Variants in ZNF804A observed in about 807,000 individuals in gnomAD.
The protein encoded by ZNF804A is zinc finger protein 804A.
ZNF804A carries 2 observed loss-of-function variants against 16.5 expected under a neutral mutation model. That is an observed-to-expected ratio of 0.12 (90% CI 0.05 to 0.38). ZNF804A has a LOEUF of 0.38. Among genes scored for constraint, ZNF804A ranks in the 10% least tolerant of loss-of-function variants. ZNF804A has a pLI of 0.99. For synonymous variants in ZNF804A, 534 were observed against 489.6 expected, an observed-to-expected ratio of 1.09 and a Z score of -1.20; for missense variants, 1,473 against 1,390.7, an observed-to-expected ratio of 1.06 and a Z score of -0.94.
At chr2:184,727,073 A>G (rs76037925) in intron 1 of ZNF804A, among the ~76,000 whole-genome samples, 2,209 of 151,480 alleles carry the variant, frequency 0.015, 62 homozygotes, top group African/African-American at 0.05. Context: ...AAAACATAAC[A>G]TTTTCTTTGC....
intron 1 of ZNF804A, among the ~76,000 whole-genome samples, chr2:184,785,257 T>G (rs1018768016): frequency 6.6e-6 from 1 of 151,992 alleles, no homozygotes; most frequent in Admixed American, 6.6e-5. Context: ...CATAAAATAA[T>G]TTATATGTAA....
At chr2:184,806,786 A>G (rs185936321) in intron 1 of ZNF804A, among the ~76,000 whole-genome samples, 164 of 151,968 alleles carry the variant, frequency 1.1e-3, no homozygotes, top group African/African-American at 3.8e-3. Flanking sequence ...CTAACATTTC[A>G]CTGAAACTGA....
At chr2:184,604,221 A>C (rs1421009105) in intron 1 of ZNF804A, among the ~76,000 whole-genome samples, 1 of 116,856 alleles carries the variant, frequency 8.6e-6, no homozygotes, top group Non-Finnish European at 1.6e-5. Flanking sequence ...CCCAGGCTGG[A>C]GTGCAATGGC....
intron 1 of ZNF804A, among the ~76,000 whole-genome samples, chr2:184,756,611 T>C (rs1185444466): frequency 1.3e-5 from 2 of 152,030 alleles, no homozygotes; most frequent in Non-Finnish European, 2.9e-5. Context: ...GTGCCTAATG[T>C]ATACAGCAAG....
intron 1 of ZNF804A, among the ~76,000 whole-genome samples, chr2:184,632,557 G>A (rs1301752048): frequency 6.6e-6 from 1 of 152,110 alleles, no homozygotes; most frequent in Non-Finnish European, 1.5e-5. Context: ...CACCACGCCT[G>A]GCTAATTTTT....
intron 3 of ZNF804A, 63 bp downstream of exon 3, chr2:184,933,796 G>A: frequency 6.6e-7 from 1 of 1,519,224 alleles, no homozygotes; most frequent in Non-Finnish European, 8.8e-7. Flanking sequence ...TATAGGGGGA[G>A]TCAGAAATAA....
intron 1 of ZNF804A, among the ~76,000 whole-genome samples, chr2:184,829,899 C>CAAAAAAAAAAAAAAAAAAAAAAAAAAA (rs1244566222): frequency 2.6e-5 from 1 of 38,902 alleles, no homozygotes; most frequent in Non-Finnish European, 4.8e-5. Context: ...CTGTCTCTAC[C>CAAAAAAAAAAAAAAAAAAAAAAAAAAA]AAAAAAAAAA....
chr2:184,664,383 A>G (rs1304947693), intron 1 of ZNF804A, among the ~76,000 whole-genome samples: 5 of 152,174 alleles, frequency 3.3e-5, no homozygotes. Context: ...TTAATAATCT[A>G]CACAAGTAAA....
At chr2:184,864,597 A>G (rs1695847592) in intron 1 of ZNF804A, among the ~76,000 whole-genome samples, 1 of 152,214 alleles carries the variant, frequency 6.6e-6, no homozygotes. Context: ...CTCCCAAACC[A>G]TGGTGAACTT....
chr2:184,853,484 G>A (rs1437265001), intron 1 of ZNF804A, among the ~76,000 whole-genome samples: 3 of 151,766 alleles, frequency 2.0e-5, no homozygotes, highest in African/African-American at 7.3e-5. Flanking sequence ...TGATATCAGA[G>A]GAAAAGCTTT....
intron 1 of ZNF804A, among the ~76,000 whole-genome samples, chr2:184,759,050 G>A (rs1053328064): frequency 4.0e-5 from 6 of 151,372 alleles, no homozygotes; most frequent in South Asian, 4.1e-4. Flanking sequence ...CTTATAGAAT[G>A]TAGTATATAT....
intron 2 of ZNF804A, among the ~76,000 whole-genome samples, chr2:184,887,254 G>T (rs1684907677): frequency 1.3e-5 from 2 of 152,082 alleles, no homozygotes. Context: ...GTTCACAATG[G>T]GTTCCTCGTC....
chr2:184,848,490 G>A (rs969592010), intron 1 of ZNF804A, among the ~76,000 whole-genome samples: 3 of 152,008 alleles, frequency 2.0e-5, no homozygotes, highest in African/African-American at 7.2e-5. Context: ...AGATTAAAAA[G>A]TATTTCTCTT....
At chr2:184,638,923 A>G (rs1691746397) in intron 1 of ZNF804A, among the ~76,000 whole-genome samples, 1 of 152,148 alleles carries the variant, frequency 6.6e-6, no homozygotes, top group Non-Finnish European at 1.5e-5. Context: ...ATATAATCAT[A>G]GCACATAATT....
intron 1 of ZNF804A, among the ~76,000 whole-genome samples, chr2:184,701,273 CAA>C (rs1285840866): frequency 2.6e-5 from 4 of 151,738 alleles, no homozygotes; most frequent in African/African-American, 9.7e-5. Context: ...AGAATACAGC[CAA>C]AGACTTGAAG....
chr2:184,613,246 C>A (rs1691266415), intron 1 of ZNF804A, among the ~76,000 whole-genome samples: 1 of 152,138 alleles, frequency 6.6e-6, no homozygotes, highest in Non-Finnish European at 1.5e-5. Context: ...GGAACAAAAT[C>A]ATTCATATTC....
chr2:184,936,047 A>G lies in ZNF804A; in HGVS notation c.651A>G (p.Ala217=), dbSNP rs764464448. The G allele has an allele frequency of 3.0e-5, 48 of 1,614,074 alleles. No individual in the cohort carries two copies. The highest frequency in any genetic ancestry group is 3.8e-5 in the Non-Finnish European group (45 of 1,179,972). The part of the protein sequence containing the change: ...IHRHKIGFSF[A]FPKKASVKLE... The stretch of plus-strand genomic sequence containing the variant: ...GACACAAAATCGGCTTTTCTTTTGC[A>G]TTTCCAAAGAAAGCGTCCGTGAAGC... Residue 217 remains alanine, a synonymous_variant, in exon 4 of 4, where the codon GCA becomes GCG. Transcript: ENST00000302277.
At chr2:184,648,266 A>C (rs1574146179) in intron 1 of ZNF804A, among the ~76,000 whole-genome samples, 1 of 152,166 alleles carries the variant, frequency 6.6e-6, no homozygotes, top group East Asian at 1.9e-4. Context: ...AGGGAGTTTT[A>C]CACATAGAAG....
chr2:184,782,113 G>A (rs1456896986), intron 1 of ZNF804A, among the ~76,000 whole-genome samples: 1 of 151,674 alleles, frequency 6.6e-6, no homozygotes, highest in African/African-American at 2.4e-5. Context: ...CTCTTTGAGG[G>A]CCTTATCTTC....
Sources: gnomAD v4.1 joint callset for allele counts (sites outside exome capture counted in the v4.1 genomes callset) on GRCh38, gnomAD v4.1.1 for gene constraint, MANE v1.5 for transcripts, NCBI Gene and HGNC (gene_info 2026-07-23, HGNC 2026-07-21) for gene names.